The following FREM3 variants were observed in gnomAD, a reference collection of about 807,000 sequenced individuals.
The protein encoded by FREM3 is FRAS1 related extracellular matrix 3.
A neutral mutation model predicts 129.1 loss-of-function variants in FREM3; 105 were observed. The ratio of observed to expected loss-of-function variants is 0.81; its 90% CI spans 0.69 to 0.96. The LOEUF is 0.96. Among genes scored for constraint, FREM3 ranks in the 40% least tolerant of loss-of-function variants. The pLI is 0.00. For synonymous variants in FREM3, 1,014 were observed against 1,044.9 expected (o/e 0.97, Z 0.57); for missense variants, 2,593 against 2,666.3 (o/e 0.97, Z 0.61).
At chr4:143,631,215 T>C (rs1016694510) in intron 2 of FREM3, among the ~76,000 whole-genome samples, 1 of 152,210 alleles carries the variant, frequency 6.6e-6, no homozygotes, top group African/African-American at 2.4e-5. Context: ...GACAATATTA[T>C]TTGATTCTGG....
chr4:143,677,774 C>G (rs566961149), intron 2 of FREM3, among the ~76,000 whole-genome samples: 1 of 152,278 alleles, frequency 6.6e-6, no homozygotes, highest in East Asian at 1.9e-4. Context: ...ATGCAGCCAA[C>G]AGACATATGA....
Position 143,585,154 on chromosome 4 carries a change from T to C in FREM3, c.6178+690A>G, listed in dbSNP as rs1038239528. The stretch of plus-strand genomic sequence containing the variant: ...GTATTAAGAGGAAAGTTTATAGTGC[T>C]AAATGCTCACATCAAAAAGTTAGAA... On this transcript the variant is annotated intron_variant, in intron 7 of 7. Coordinates refer to ENST00000329798, the MANE Select transcript of FREM3 (RefSeq NM_001168235.2). The surrounding 1 kb of genome is among the most constrained non-coding windows in gnomAD (Gnocchi z 4.2). 2.0e-5 allele frequency among the ~76,000 whole-genome samples: 3 copies of C among 152,246 alleles called. No individual in the cohort carries two copies. The highest frequency in any genetic ancestry group is 4.4e-5 in the Non-Finnish European group (3 of 68,042).
intron 6 of FREM3, among the ~76,000 whole-genome samples, chr4:143,609,390 A>G (rs79169296): frequency 6.6e-6 from 1 of 152,180 alleles, no homozygotes; most frequent in African/African-American, 2.4e-5. Flanking sequence ...ACAAATTTCA[A>G]CTTTTCATAT....
At chr4:143,679,179 C>T (rs1035123436) in intron 2 of FREM3, among the ~76,000 whole-genome samples, 1 of 152,140 alleles carries the variant, frequency 6.6e-6, no homozygotes, top group African/African-American at 2.4e-5. Context: ...AAAAATACCA[C>T]TAAATTCAGG....
rs76810991 is a variant in FREM3 at position 143,585,257 on chromosome 4, G to T, written c.6178+587C>A. ...AGAAAATGTGGGCATCAATGTACAT[G>T]GAAATGTCCTTTTCTTTTCCTATTG... is the stretch of plus-strand genomic sequence containing the variant. On this transcript the variant is annotated intron_variant, in intron 7 of 7. Coordinates refer to ENST00000329798, the MANE Select transcript of FREM3 (RefSeq NM_001168235.2). This position sits in a 1 kb window ranked among gnomAD's most constrained non-coding sequence, Gnocchi z 4.2. Among the ~76,000 whole-genome samples, 1,224 of 152,314 alleles carry T rather than the reference G, an allele frequency of 8.0e-3. 15 individuals are homozygous for T. Among genetic ancestry groups the T allele is most frequent in the African/African-American group, 0.027 (1,124 of 41,572 alleles).
rs192535979 is a variant in FREM3, at chr4:143,593,702, A to C, written c.6029-7709T>G. 9.6e-3 allele frequency among the ~76,000 whole-genome samples: 1,470 copies of C among 152,336 alleles called. 26 individuals carry two copies. The highest frequency in any genetic ancestry group is 0.034 in the African/African-American group (1,419 of 41,580). ...GGGTCAGGGACCCACTTGAGGAGGC[A>C]GTCTGCCCGTTCTCAGATCTCAAGC... On this transcript the variant is annotated intron_variant, in intron 6 of 7. Transcript: ENST00000329798.
At position 143,621,182 on chromosome 4, in the gene FREM3, A is replaced by C; in HGVS notation, c.5654-20T>G. 2 of 1,536,216 alleles carry C rather than the reference A, an allele frequency of 1.3e-6. No homozygotes were observed. The highest frequency in any genetic ancestry group is 1.7e-6 in the Non-Finnish European group (2 of 1,146,208). On this transcript the variant is annotated intron_variant, in intron 4 of 7. Transcript: ENST00000329798. ...TTGATTCTAGAAAAGATGGCAGAAG[A>C]CTTTTCACCAAGATTTAGATTTGAT...
At chr4:143,636,333 CAAAAAA>C (rs35792262) in intron 2 of FREM3, among the ~76,000 whole-genome samples, 1 of 81,464 alleles carries the variant, frequency 1.2e-5, no homozygotes, top group African/African-American at 4.8e-5. Flanking sequence ...GCAGCCTGTC[CAAAAAA>C]AAAAAAAAAA....
chr4:143,669,687 G>A (rs1739932695), intron 2 of FREM3, among the ~76,000 whole-genome samples: 3 of 150,918 alleles, frequency 2.0e-5, no homozygotes, highest in East Asian at 1.9e-4. Context: ...GTCACCTAAG[G>A]ACTTGTCCTT....
chr4:143,674,685 G>T (rs1740073244), intron 2 of FREM3, among the ~76,000 whole-genome samples: 1 of 152,080 alleles, frequency 6.6e-6, no homozygotes, highest in African/African-American at 2.4e-5. Flanking sequence ...CAAAATAAAG[G>T]GATGGAGGAA....
At chr4:143,614,411 G>A (rs1413935208) in intron 5 of FREM3, among the ~76,000 whole-genome samples, 1 of 152,194 alleles carries the variant, frequency 6.6e-6, no homozygotes, top group Non-Finnish European at 1.5e-5. Flanking sequence ...TATATTCTGA[G>A]ATAAAAGATA....
At chr4:143,603,884 T>C (rs2149837957) in intron 6 of FREM3, among the ~76,000 whole-genome samples, 1 of 152,290 alleles carries the variant, frequency 6.6e-6, no homozygotes, top group East Asian at 1.9e-4. Context: ...TGTAAACCAA[T>C]GCGAATTCCT....
chr4:143,633,171 C>T (rs553883233), intron 2 of FREM3, among the ~76,000 whole-genome samples: 7 of 152,214 alleles, frequency 4.6e-5, no homozygotes, highest in South Asian at 4.1e-4. Flanking sequence ...CTAGTGGCAA[C>T]GGTCATCCAC....
At chr4:143,618,123 G>A (rs2149840635) in intron 5 of FREM3, among the ~76,000 whole-genome samples, 1 of 152,314 alleles carries the variant, frequency 6.6e-6, no homozygotes, top group East Asian at 1.9e-4. Flanking sequence ...GAGCTATGCT[G>A]CAGAAGGACC....
chr4:143,647,616 GCCAT>G (rs1397530131), intron 2 of FREM3, among the ~76,000 whole-genome samples: 2 of 152,170 alleles, frequency 1.3e-5, no homozygotes, highest in African/African-American at 4.8e-5. Flanking sequence ...TACAGCGCAG[GCCAT>G]TGCTTCAGAG....
At chr4:143,674,491 C>A (rs1345497152) in intron 2 of FREM3, among the ~76,000 whole-genome samples, 1 of 152,116 alleles carries the variant, frequency 6.6e-6, no homozygotes, top group East Asian at 1.9e-4. Flanking sequence ...AACTGACAAG[C>A]AAAATAACTG....
At chr4:143,588,297 G>C (rs1314728806) in intron 6 of FREM3, among the ~76,000 whole-genome samples, 1 of 151,924 alleles carries the variant, frequency 6.6e-6, no homozygotes, top group African/African-American at 2.4e-5. Context: ...CAATGTACAG[G>C]TTTGTTACAT....
intron 7 of FREM3, among the ~76,000 whole-genome samples, chr4:143,581,694 C>T (rs566585718): frequency 1.6e-3 from 236 of 152,232 alleles, no homozygotes; most frequent in Non-Finnish European, 2.8e-3. Context: ...GGAGCCAAGT[C>T]TCTCTTCCCT....
intron 3 of FREM3, among the ~76,000 whole-genome samples, chr4:143,624,737 G>A (rs751703263): frequency 3.9e-5 from 6 of 152,128 alleles, no homozygotes; most frequent in South Asian, 4.2e-4. Context: ...GCTCTATGGC[G>A]GTAGAGATCT....
Sources: allele counts gnomAD v4.1 joint callset (sites outside exome capture counted in the v4.1 genomes callset), GRCh38; gene constraint gnomAD v4.1.1; non-coding constraint Gnocchi (gnomAD v3.1); transcripts MANE v1.5; gene names NCBI Gene and HGNC (gene_info 2026-07-23, HGNC 2026-07-21).